The following BCO1 variants were observed in gnomAD, a reference collection of about 807,000 sequenced individuals.
The protein encoded by BCO1 is beta-carotene oxygenase 1.
BCO1 carries 54 observed loss-of-function variants against 56.3 expected under a neutral mutation model. That is an observed-to-expected ratio of 0.96 (90% CI 0.77 to 1.20). BCO1 has a LOEUF of 1.20. BCO1 is among the 50% of genes most tolerant of loss of function. The probability of loss-of-function intolerance (pLI) is 0.00; values close to 1 mark genes in which losing one functional copy is unlikely to be tolerated. For missense variants in BCO1, 801 were observed against 690.9 expected, an observed-to-expected ratio of 1.16 and a Z score of -1.79; for synonymous variants, 318 against 266.1, an observed-to-expected ratio of 1.20 and a Z score of -1.90.
At chr16:81,250,142 A>T (rs1019721604) in intron 2 of BCO1, among the ~76,000 whole-genome samples, 3 of 152,172 alleles carry the variant, frequency 2.0e-5, no homozygotes, top group Admixed American at 1.3e-4. Flanking sequence ...CCTGGGGACT[A>T]CCACAGTTTT....
chr16:81,283,034 C>A (rs986493397), intron 8 of BCO1, among the ~76,000 whole-genome samples: 2 of 152,236 alleles, frequency 1.3e-5, no homozygotes, highest in African/African-American at 4.8e-5. Flanking sequence ...TGCCAAAAGG[C>A]AGGCAGCAGA....
At chr16:81,259,034 C>G (rs928683785) in intron 2 of BCO1, among the ~76,000 whole-genome samples, 7 of 152,084 alleles carry the variant, frequency 4.6e-5, no homozygotes, top group African/African-American at 1.2e-4. Context: ...CAACACTAAG[C>G]CATTCATGAG....
chr16:81,262,393 C>T, intron 4 of BCO1, 110 bp downstream of exon 4: 1 of 1,183,112 alleles, frequency 8.5e-7, no homozygotes, highest in Non-Finnish European at 1.2e-6. Flanking sequence ...GGGAGCCCCT[C>T]CTCTAACACC....
intron 8 of BCO1, among the ~76,000 whole-genome samples, chr16:81,283,409 G>T (rs1907990792): frequency 6.6e-6 from 1 of 151,748 alleles, no homozygotes; most frequent in South Asian, 2.1e-4. Context: ...GGACAACATG[G>T]CAAAACCCCA....
chr16:81,248,771 G>C (rs1241127483), intron 2 of BCO1, among the ~76,000 whole-genome samples: 1 of 152,134 alleles, frequency 6.6e-6, no homozygotes, highest in Admixed American at 6.5e-5. Flanking sequence ...CAGCACTTTG[G>C]GGAGCCAAGG....
intron 4 of BCO1, chr16:81,263,980 T>C (rs1314120011): frequency 6.4e-6 from 1 of 156,482 alleles, no homozygotes; most frequent in Non-Finnish European, 1.4e-5. Context: ...TATCTGACTC[T>C]GGGCTGGAGG....
chr16:81,263,551 G>C (rs1423460601), intron 4 of BCO1: 1 of 152,118 alleles, frequency 6.6e-6, no homozygotes, highest in African/African-American at 2.4e-5. Context: ...TTTTTTGCAA[G>C]ACACAATTCA....
chr16:81,240,421 C>T (rs1905058225), intron 1 of BCO1, among the ~76,000 whole-genome samples: 2 of 151,908 alleles, frequency 1.3e-5, no homozygotes, highest in Admixed American at 6.6e-5. Flanking sequence ...AAAGACACCC[C>T]ACGGCCAGGT....
intron 2 of BCO1, among the ~76,000 whole-genome samples, chr16:81,251,852 GCACACACACACA>G (rs747747653): frequency 7.1e-6 from 1 of 140,866 alleles, no homozygotes; most frequent in Non-Finnish European, 1.5e-5. Flanking sequence ...ACACACACAC[GCACACACACACA>G]CACACATATA....
At chr16:81,288,874 T>TG (rs752230102) in intron 10 of BCO1, among the ~76,000 whole-genome samples, 3 of 152,030 alleles carry the variant, frequency 2.0e-5, no homozygotes, top group African/African-American at 2.4e-5. Context: ...CACAAGGGAG[T>TG]GGTTTTCCAC....
intron 1 of BCO1, among the ~76,000 whole-genome samples, chr16:81,240,479 G>T (rs953801583): frequency 6.6e-6 from 1 of 152,160 alleles, no homozygotes; most frequent in East Asian, 1.9e-4. Context: ...GCCAAAGAGG[G>T]TGGATCACTT....
At chr16:81,251,507 C>G (rs558090494) in intron 2 of BCO1, among the ~76,000 whole-genome samples, 1 of 151,636 alleles carries the variant, frequency 6.6e-6, no homozygotes, top group African/African-American at 2.4e-5. Flanking sequence ...CTGCAGTGAG[C>G]CGAGATCACA....
At chr16:81,250,337 A>G (rs1385831068) in intron 2 of BCO1, among the ~76,000 whole-genome samples, 1 of 151,604 alleles carries the variant, frequency 6.6e-6, no homozygotes, top group Non-Finnish European at 1.5e-5. Context: ...CTCCATCCCA[A>G]TCCTCTCAGT....
chr16:81,287,071 G>A (rs528074409), intron 9 of BCO1, among the ~76,000 whole-genome samples: 18 of 150,458 alleles, frequency 1.2e-4, no homozygotes, highest in Non-Finnish European at 5.9e-5. Context: ...TGGAAACTCC[G>A]TCTCAAAAAA....
At chr16:81,242,401 A>T (rs764596679) in intron 1 of BCO1, among the ~76,000 whole-genome samples, 1 of 151,936 alleles carries the variant, frequency 6.6e-6, no homozygotes, top group Non-Finnish European at 1.5e-5. Flanking sequence ...GGGTTTCACC[A>T]TATTGGCCAG....
At chr16:81,268,881 T>G (rs1907001330) in intron 6 of BCO1, among the ~76,000 whole-genome samples, 2 of 151,300 alleles carry the variant, frequency 1.3e-5, no homozygotes, top group South Asian at 4.2e-4. Context: ...CAGGCTCAAG[T>G]GATCCTCCCA....
At chr16:81,269,063 G>C (rs973663386) in intron 6 of BCO1, among the ~76,000 whole-genome samples, 86 of 101,178 alleles carry the variant, frequency 8.5e-4, no homozygotes, top group African/African-American at 4.1e-3. Context: ...ATTGCACCTG[G>C]TCTTTTTTTT....
intron 1 of BCO1, among the ~76,000 whole-genome samples, chr16:81,244,634 C>G (rs528610388): frequency 6.6e-6 from 1 of 152,036 alleles, no homozygotes; most frequent in African/African-American, 2.4e-5. Flanking sequence ...AGGAAGCTGA[C>G]CACACCCTCC....
chr16:81,259,528 C>T lies in BCO1; in HGVS notation c.194-148C>T, dbSNP rs191549673. On this transcript the variant is annotated intron_variant, in intron 2 of 10. Coordinates refer to ENST00000258168, the MANE Select transcript of BCO1 (RefSeq NM_017429.3). ...AATAAATAAAATTATATTTAAAATG[C>T]GAATTGTATCGGCCCTGTGTACTAA... 854 of 570,556 alleles carry T rather than the reference C, an allele frequency of 1.5e-3. 4 individuals are homozygous for T. Among genetic ancestry groups the T allele is most frequent in the Non-Finnish European group, 2.1e-3 (746 of 356,974 alleles). 35.3% of individuals were successfully genotyped at this position (570,556 alleles called of 1,614,324 possible).
Sources: allele counts gnomAD v4.1 joint callset (sites outside exome capture counted in the v4.1 genomes callset), GRCh38; gene constraint gnomAD v4.1.1; transcripts MANE v1.5; gene names NCBI Gene and HGNC (gene_info 2026-07-23, HGNC 2026-07-21).